Variants in SPIDR observed in about 807,000 individuals in gnomAD.
The protein encoded by SPIDR is scaffold protein involved in DNA repair, also known as DNA repair-scaffolding protein.
Under a neutral mutation model 104.6 loss-of-function variants are expected in SPIDR, and 93 were observed. That is an observed-to-expected ratio of 0.89 (90% CI 0.75 to 1.06). The LOEUF (loss-of-function observed/expected upper bound fraction) is 1.06, where lower values mean the gene tolerates loss of function less well. SPIDR is among the 50% of genes least tolerant of loss of function. SPIDR has a pLI of 0.00. For missense variants in SPIDR, 1,154 were observed against 1,111.2 expected (o/e 1.04, Z -0.55); for synonymous variants, 431 against 416.9 (o/e 1.03, Z -0.41).
At chr8:47,458,374 T>TATTTTATTTTA (rs1268418644) in intron 8 of SPIDR, among the ~76,000 whole-genome samples, 1 of 149,250 alleles carries the variant, frequency 6.7e-6, no homozygotes, top group African/African-American at 2.5e-5. Context: ...TATTTTATTT[T>TATTTTATTTTA]ATTTTATTTT....
At chr8:47,650,480 G>A (rs1236594592) in intron 10 of SPIDR, among the ~76,000 whole-genome samples, 3 of 152,068 alleles carry the variant, frequency 2.0e-5, no homozygotes, top group South Asian at 2.1e-4. Flanking sequence ...AGCACGTCTC[G>A]TCTCATCTCA....
chr8:47,618,675 G>A (rs1357846180), intron 10 of SPIDR, among the ~76,000 whole-genome samples: 1 of 152,162 alleles, frequency 6.6e-6, no homozygotes, highest in African/African-American at 2.4e-5. Context: ...GTTTGTGTGT[G>A]TGTGTACTTT....
intron 5 of SPIDR, among the ~76,000 whole-genome samples, chr8:47,358,305 C>T (rs1411383150): frequency 1.3e-5 from 2 of 152,044 alleles, no homozygotes; most frequent in African/African-American, 4.8e-5. Context: ...CCCAGCTGGT[C>T]TCAAACTCCT....
chr8:47,444,222 T>C (rs1297316734), intron 8 of SPIDR, among the ~76,000 whole-genome samples: 7 of 151,890 alleles, frequency 4.6e-5, no homozygotes, highest in Admixed American at 4.6e-4. Context: ...AAAAAACAAA[T>C]GAAGGAATTT....
chr8:47,511,886 C>T (rs1051874534), intron 8 of SPIDR: 6 of 800,764 alleles, frequency 7.5e-6, no homozygotes, highest in Non-Finnish European at 1.1e-5. Flanking sequence ...TCCTCCTCTT[C>T]CTCATCCTCA....
chr8:47,728,636 AGCCTGACCCCT>A, intron 17 of SPIDR: 1 of 272,862 alleles, frequency 3.7e-6, no homozygotes, highest in South Asian at 5.0e-5. Flanking sequence ...GCCAGGGGGC[AGCCTGACCCCT>A]GGCCTCCCAG....
intron 7 of SPIDR, among the ~76,000 whole-genome samples, chr8:47,432,486 A>T (rs1392790606): frequency 6.6e-6 from 1 of 152,246 alleles, no homozygotes; most frequent in Non-Finnish European, 1.5e-5. Flanking sequence ...ATTAGGAGTC[A>T]TTCATTTCTT....
At chr8:47,696,432 A>G (rs1047439565) in intron 11 of SPIDR, among the ~76,000 whole-genome samples, 6 of 152,176 alleles carry the variant, frequency 3.9e-5, no homozygotes, top group Admixed American at 1.3e-4. Flanking sequence ...TTCTCTCTCA[A>G]GGATCTGGTA....
intron 5 of SPIDR, among the ~76,000 whole-genome samples, chr8:47,334,448 G>T: frequency 6.6e-6 from 1 of 152,110 alleles, no homozygotes; most frequent in East Asian, 1.9e-4. Context: ...CTGTTGATAG[G>T]TATATACATG....
At chr8:47,324,337 C>T (rs1189920400) in intron 5 of SPIDR, among the ~76,000 whole-genome samples, 1 of 148,784 alleles carries the variant, frequency 6.7e-6, no homozygotes, top group African/African-American at 2.4e-5. Context: ...CATCCCCCAT[C>T]CCCCATTTCC....
intron 10 of SPIDR, among the ~76,000 whole-genome samples, chr8:47,662,009 C>A (rs913568348): frequency 3.3e-5 from 5 of 152,190 alleles, no homozygotes; most frequent in Non-Finnish European, 5.9e-5. Context: ...TTCCACAGCT[C>A]CTTGTTCTCT....
intron 8 of SPIDR, among the ~76,000 whole-genome samples, chr8:47,506,869 G>T (rs1381105823): frequency 2.0e-5 from 3 of 152,106 alleles, no homozygotes; most frequent in Admixed American, 1.3e-4. Context: ...CCTCCAAATC[G>T]ATTGTTGTTC....
intron 6 of SPIDR, among the ~76,000 whole-genome samples, chr8:47,399,676 G>GC (rs1190841981): frequency 6.6e-6 from 1 of 152,142 alleles, no homozygotes; most frequent in African/African-American, 2.4e-5. Flanking sequence ...GCCCATGTGG[G>GC]CAGAGCACAA....
At chr8:47,363,500 TAAA>T (rs34766173) in intron 5 of SPIDR, among the ~76,000 whole-genome samples, 2 of 139,626 alleles carry the variant, frequency 1.4e-5, no homozygotes, top group Non-Finnish European at 1.5e-5. Context: ...CAACCTTTTT[TAAA>T]AAAAAAAAAA....
chr8:47,547,828 G>C, intron 8 of SPIDR: 1 of 175,030 alleles, frequency 5.7e-6, no homozygotes, highest in South Asian at 1.6e-4. Context: ...GTGGGGACTG[G>C]GGGATGGACG....
chr8:47,735,277 CTTT>C, intron 19 of SPIDR, 27 bp from the exon 20 acceptor site: 1 of 1,609,610 alleles, frequency 6.2e-7, no homozygotes, highest in South Asian at 1.1e-5. Flanking sequence ...AGGCTGTTTG[CTTT>C]AACCAGCGTG....
At chr8:47,518,376 T>A (rs1036734641) in intron 8 of SPIDR, among the ~76,000 whole-genome samples, 2 of 152,256 alleles carry the variant, frequency 1.3e-5, no homozygotes, top group African/African-American at 4.8e-5. Context: ...GGGCTTCACC[T>A]AATTATCTCT....
At position 47,729,454 on chromosome 8, in the gene SPIDR, G is replaced by C. The variant is rs753062424; in HGVS notation, c.2593G>C (p.Gly865Arg). The change falls in exon 19 of 20, where the codon GGT becomes CGT. Residue 865 changes from glycine to arginine, a missense_variant. Physicochemically the swap from Gly to Arg is moderately radical, Grantham distance 125 (BLOSUM62 -2). Transcript: ENST00000297423. ...SISSLLRFAAGEDGSYEVKSV... is the reference protein window; with the variant it reads ...SISSLLRFAAREDGSYEVKSV... Reference sequence around the variant, plus strand: ...TTCCTCCCTGCTGAGGTTTGCCGCCGGTGAAGATGGGGTAAGTGCAGGGGG... The same window carrying C: ...TTCCTCCCTGCTGAGGTTTGCCGCCCGTGAAGATGGGGTAAGTGCAGGGGG... 6.3e-7 allele frequency: 1 copy of C among 1,597,232 alleles called. No individual in the cohort carries two copies. Among genetic ancestry groups the C allele is most frequent in the East Asian group, 2.2e-5 (1 of 44,500 alleles).
intron 5 of SPIDR, among the ~76,000 whole-genome samples, chr8:47,372,791 G>A (rs1300740220): frequency 6.6e-6 from 1 of 152,104 alleles, no homozygotes; most frequent in Admixed American, 6.5e-5. Flanking sequence ...GCATACTAAT[G>A]GTGATTGGGC....
Sources: gnomAD v4.1 joint callset for allele counts (sites outside exome capture counted in the v4.1 genomes callset) on GRCh38, gnomAD v4.1.1 for gene constraint, MANE v1.5 for transcripts, NCBI Gene and HGNC (gene_info 2026-07-23, HGNC 2026-07-21) for gene names.